GRIP2: variants seen among roughly 807,000 people sequenced by gnomAD.
The protein encoded by GRIP2 is glutamate receptor interacting protein 2, also known as glutamate receptor-interacting protein 2.
A neutral mutation model predicts 108.3 loss-of-function variants in GRIP2; 58 were observed. The ratio of observed to expected loss-of-function variants is 0.54; its 90% CI spans 0.43 to 0.67. The LOEUF (loss-of-function observed/expected upper bound fraction) is 0.67, where lower values mean the gene tolerates loss of function less well. Ranked by LOEUF, GRIP2 falls within the 30% of genes least tolerant of loss-of-function variation. The probability of loss-of-function intolerance (pLI) is 0.00; values close to 1 mark genes in which losing one functional copy is unlikely to be tolerated. For missense variants in GRIP2, 1,278 were observed against 1,430.6 expected (o/e 0.89, Z 1.72); for synonymous variants, 586 against 598.2 (o/e 0.98, Z 0.30).
chr3:14,579,777 C>T, the GRIP2 span, among the ~76,000 whole-genome samples: 1 of 152,212 alleles, frequency 6.6e-6, no homozygotes, highest in South Asian at 2.1e-4. Context: ...TGCCATCAAC[C>T]CTTATCAAAT....
At chr3:14,574,014 A>T in the GRIP2 span, 1 of 1,347,984 alleles carries the variant, frequency 7.4e-7, no homozygotes, top group Non-Finnish European at 1.1e-6. Flanking sequence ...CAGGTGGATG[A>T]GGGCCTCCGA....
upstream of GRIP2, among the ~76,000 whole-genome samples, chr3:14,545,979 T>C (rs529939178): frequency 2.8e-4 from 43 of 151,890 alleles, no homozygotes; most frequent in Non-Finnish European, 4.9e-4. Flanking sequence ...CAGAAGGCAT[T>C]TGAGATGGTC....
the GRIP2 span, among the ~76,000 whole-genome samples, chr3:14,597,574 A>T: frequency 2.0e-5 from 3 of 152,266 alleles, no homozygotes; most frequent in Admixed American, 6.5e-5. Context: ...TTAAAAAAAA[A>T]TTATTTTCCA....
rs1035921439 is a variant in GRIP2, at chr3:14,522,253, G to A, written c.567-466C>T. On this transcript the variant is annotated intron_variant, in intron 6 of 23. Transcript: ENST00000621039. The surrounding 1 kb of genome is among the most constrained non-coding windows in gnomAD (Gnocchi z 4.3). ...TCCACCCTCACCCTGGTTTCTCAGC[G>A]GTGATTCTGGCCTGATGACAACCCG... 15 of 155,572 alleles carry A rather than the reference G, an allele frequency of 9.6e-5. No individual in the cohort carries two copies. The highest frequency in any genetic ancestry group is 3.2e-4 in the Admixed American group (5 of 15,420). 9.6% of individuals were successfully genotyped at this position (155,572 alleles called of 1,614,324 possible).
intron 21 of GRIP2, among the ~76,000 whole-genome samples, chr3:14,497,309 C>T (rs918273427): frequency 6.6e-6 from 1 of 152,128 alleles, no homozygotes; most frequent in African/African-American, 2.4e-5. Flanking sequence ...TTGCTAATCG[C>T]CAACATAAAT....
In GRIP2 at chr3:14,507,240, C is replaced by T. The variant is rs1693956407; in HGVS notation, c.2219-260G>A. Among the ~76,000 whole-genome samples the T allele has an allele frequency of 6.6e-6, 1 of 152,214 alleles. No individual in the cohort carries two copies. Among genetic ancestry groups the T allele is most frequent in the Non-Finnish European group, 1.5e-5 (1 of 68,042 alleles). ...AGGCCCCTTCCACTGCCTATGGTGGCCTTTCTACCAAGGCACGGGGACGTA... is the reference window on the plus strand; with the variant it reads ...AGGCCCCTTCCACTGCCTATGGTGGTCTTTCTACCAAGGCACGGGGACGTA... On this transcript the variant is annotated intron_variant, in intron 18 of 23. Coordinates refer to ENST00000621039, the MANE Select transcript of GRIP2 (RefSeq NM_001080423.4). This position sits in a 1 kb window ranked among gnomAD's most constrained non-coding sequence, Gnocchi z 4.6.
chr3:14,498,999 G>A (rs944548935), intron 21 of GRIP2, among the ~76,000 whole-genome samples: 3 of 152,164 alleles, frequency 2.0e-5, no homozygotes, highest in East Asian at 1.9e-4. Flanking sequence ...TCCAGAAAGC[G>A]AGTGCCATCT....
chr3:14,503,284 A>G (rs1219594786), intron 21 of GRIP2, among the ~76,000 whole-genome samples: 1 of 152,216 alleles, frequency 6.6e-6, no homozygotes, highest in East Asian at 1.9e-4. Flanking sequence ...ACATGCATGC[A>G]TACACATATG....
At chr3:14,513,461 C>T (rs1453127649) in intron 13 of GRIP2, among the ~76,000 whole-genome samples, 3 of 152,220 alleles carry the variant, frequency 2.0e-5, no homozygotes, top group Non-Finnish European at 4.4e-5. Flanking sequence ...TTGGTCCTGC[C>T]CCTCTGCAAA....
chr3:14,501,684 G>T (rs898670475), intron 21 of GRIP2, among the ~76,000 whole-genome samples: 4 of 152,330 alleles, frequency 2.6e-5, no homozygotes, highest in Non-Finnish European at 5.9e-5. Context: ...TCTATGGGTG[G>T]TGGGAATGTT....
At chr3:14,591,573 T>C in the GRIP2 span, among the ~76,000 whole-genome samples, 1 of 152,206 alleles carries the variant, frequency 6.6e-6, no homozygotes, top group African/African-American at 2.4e-5. Flanking sequence ...TAATGGTTTA[T>C]GCAATGAAAG....
chr3:14,570,288 G>C, the GRIP2 span, among the ~76,000 whole-genome samples: 1 of 152,228 alleles, frequency 6.6e-6, no homozygotes, highest in Non-Finnish European at 1.5e-5. Flanking sequence ...CCTGACCCCA[G>C]ATCAGCATCT....
chr3:14,542,153 A>C, upstream of GRIP2: 1 of 991,016 alleles, frequency 1.0e-6, no homozygotes, highest in Non-Finnish European at 1.3e-6. Flanking sequence ...TTTATTTTTT[A>C]TTTTTTTTAT....
Position 14,513,785 on chromosome 3 carries a change from G to T in GRIP2, c.1519C>A (p.Arg507Ser), listed in dbSNP as rs754699499. ...ERCGLLQVGD[R>S]VLSINGIATE... ...GCAATGCCATTGATGGACAGGACAC[G>T]GTCCCCCACCTGCAGCAGCCCACAC... Residue 507 changes from arginine to serine, a missense_variant, in exon 13 of 24, where the codon CGT becomes AGT. Coordinates refer to ENST00000621039, the MANE Select transcript of GRIP2 (RefSeq NM_001080423.4). The T allele has an allele frequency of 6.2e-7, 1 of 1,612,780 alleles. No individual in the cohort carries two copies. The highest frequency in any genetic ancestry group is 1.3e-5 in the African/African-American group (1 of 74,926).
intron 1 of GRIP2, chr3:14,530,933 G>C (rs1291757743): frequency 1.3e-5 from 2 of 152,096 alleles, no homozygotes; most frequent in African/African-American, 2.4e-5. Flanking sequence ...AGTCACCCTA[G>C]TGTGCTATCA....
At chr3:14,580,148 A>C in the GRIP2 span, among the ~76,000 whole-genome samples, 1 of 152,038 alleles carries the variant, frequency 6.6e-6, no homozygotes, top group East Asian at 1.9e-4. Flanking sequence ...TCACCTCCAT[A>C]CCCCAGCACC....
At position 14,513,750 on chromosome 3, in the gene GRIP2, G is replaced by A. The variant is rs774891956; in HGVS notation, c.1554C>T (p.Asp518=). The change falls in exon 13 of 24, where the codon GAC becomes GAT. Residue 518 remains aspartate, a synonymous_variant. Coordinates refer to ENST00000621039, the MANE Select transcript of GRIP2 (RefSeq NM_001080423.4). ...GCTGGTTGGCTTCCTCCATAGTCCC[G>A]TCCTCGGTGGCAATGCCATTGATGG... ...VLSINGIATE[D]GTMEEANQLL... is the part of the protein sequence containing the mutation. 1.6e-5 allele frequency: 25 copies of A among 1,611,516 alleles called. No homozygotes were observed. The South Asian group carries it at 1.7e-4, about 11-fold the overall frequency.
intron 1 of GRIP2, among the ~76,000 whole-genome samples, chr3:14,537,030 G>A (rs1031545543): frequency 2.6e-5 from 4 of 152,218 alleles, no homozygotes; most frequent in Non-Finnish European, 4.4e-5. Context: ...GCATGGAGAT[G>A]CTAAGTGACT....
chr3:14,554,325 T>C (rs1695199822), intron 1 of GRIP2, among the ~76,000 whole-genome samples: 1 of 152,148 alleles, frequency 6.6e-6, no homozygotes, highest in Non-Finnish European at 1.5e-5. Context: ...AGTAGGCTGC[T>C]CTCCAAATCC....
Sources: gnomAD v4.1 joint callset for allele counts (sites outside exome capture counted in the v4.1 genomes callset) on GRCh38, gnomAD v4.1.1 for gene constraint, Gnocchi (gnomAD v3.1) non-coding constraint, MANE v1.5 for transcripts, NCBI Gene and HGNC (gene_info 2026-07-23, HGNC 2026-07-21) for gene names.